The following SEPTIN6 variants were observed in gnomAD, a reference collection of about 807,000 sequenced individuals.
The protein encoded by SEPTIN6 is septin 6.
Under a neutral mutation model 33.6 loss-of-function variants are expected in SEPTIN6, and 8 were observed. The ratio of observed to expected loss-of-function variants is 0.24; its 90% CI spans 0.14 to 0.43. The LOEUF (loss-of-function observed/expected upper bound fraction) is 0.43, where lower values mean the gene tolerates loss of function less well. Ranked by LOEUF, SEPTIN6 falls within the 20% of genes least tolerant of loss-of-function variation. SEPTIN6 has a pLI of 1.00. For missense variants in SEPTIN6, 250 were observed against 340.8 expected (o/e 0.73, Z 2.10); for synonymous variants, 131 against 140.0 (o/e 0.94, Z 0.45).
At chrX:119,630,881 A>C (rs1208171954) in intron 8 of SEPTIN6, among the ~76,000 whole-genome samples, 4 of 103,288 alleles carry the variant, frequency 3.9e-5, no homozygotes, top group African/African-American at 7.6e-5. Flanking sequence ...CAAGAGTGAG[A>C]CTCTGTCTCG....
chrX:119,629,717 T>C (rs2053926431), intron 8 of SEPTIN6, among the ~76,000 whole-genome samples: 1 of 112,077 alleles, frequency 8.9e-6, no homozygotes, highest in Non-Finnish European at 1.9e-5. Context: ...TCCAAGTCTC[T>C]GCTCCTGAAT....
chrX:119,625,276 T>G, intron 10 of SEPTIN6, 59 bp downstream of exon 10: 1 of 793,738 alleles, frequency 1.3e-6, no homozygotes, highest in Non-Finnish European at 1.9e-6. Context: ...GGGTGCGGGA[T>G]TGGGGGAGAT....
At chrX:119,636,162 G>T (rs1463114033) in intron 7 of SEPTIN6, among the ~76,000 whole-genome samples, 1 of 111,525 alleles carries the variant, frequency 9.0e-6, no homozygotes, top group African/African-American at 3.3e-5. Flanking sequence ...GACTGGTTAG[G>T]CTCTGACTCC....
intron 2 of SEPTIN6, among the ~76,000 whole-genome samples, chrX:119,667,128 G>T (rs2054654290): frequency 9.0e-6 from 1 of 110,864 alleles, no homozygotes; most frequent in Admixed American, 9.6e-5. Context: ...TGTTGCATGA[G>T]CTCCCTGCCG....
intron 1 of SEPTIN6, among the ~76,000 whole-genome samples, chrX:119,679,434 G>A (rs1160854238): frequency 9.0e-6 from 1 of 111,570 alleles, no homozygotes; most frequent in East Asian, 2.8e-4. Flanking sequence ...GAAGACATAG[G>A]AGGAGATGAC....
At chrX:119,664,272 G>A (rs1439288773) in intron 2 of SEPTIN6, among the ~76,000 whole-genome samples, 2 of 111,277 alleles carry the variant, frequency 1.8e-5, no homozygotes, top group Admixed American at 9.7e-5. Flanking sequence ...GTTAGCCACC[G>A]CACCTGGCCA....
intron 1 of SEPTIN6, among the ~76,000 whole-genome samples, chrX:119,676,380 C>T (rs994367399): frequency 9.2e-6 from 1 of 109,216 alleles, no homozygotes; most frequent in African/African-American, 3.4e-5. Context: ...AGGAGAATTG[C>T]TTGAACCCGG....
chrX:119,635,161 A>C, intron 7 of SEPTIN6: 1 of 343,575 alleles, frequency 2.9e-6, no homozygotes, highest in Non-Finnish European at 5.7e-6. Flanking sequence ...TTGGGCAACC[A>C]GGTGGATGGT....
At chrX:119,634,232 C>T (rs1422780833) in intron 7 of SEPTIN6, among the ~76,000 whole-genome samples, 1 of 109,797 alleles carries the variant, frequency 9.1e-6, no homozygotes, top group Non-Finnish European at 1.9e-5. Flanking sequence ...AGCCAGGCGT[C>T]GTAGTGGGCG....
In SEPTIN6 at chrX:119,619,269, T is replaced by G; in HGVS notation, c.*824A>C. On this transcript the variant is annotated 3_prime_UTR_variant, in exon 11 of 11. Coordinates refer to ENST00000394610, the MANE Select transcript of SEPTIN6 (RefSeq NM_145799.4). ...TTCCGGAAATTACCCCCCGAGATGC[T>G]GAAATACCTCACAAGAAGAATTCGG... 5 of 815,249 alleles carry G rather than the reference T, an allele frequency of 6.1e-6. No individual in the cohort carries two copies. Among genetic ancestry groups the G allele is most frequent in the Non-Finnish European group, 7.4e-6 (5 of 677,554 alleles). 67.2% of individuals were successfully genotyped at this position (815,249 alleles called of 1,213,427 possible).
chrX:119,629,089 G>C (rs746778317), intron 9 of SEPTIN6: 2 of 384,168 alleles, frequency 5.2e-6, no homozygotes, highest in East Asian at 8.0e-5. Flanking sequence ...TGGACAGATG[G>C]GCTGGGCCTC....
chrX:119,636,885 G>A, intron 7 of SEPTIN6, 142 bp downstream of exon 7: 1 of 656,682 alleles, frequency 1.5e-6, no homozygotes, highest in Non-Finnish European at 2.2e-6. Context: ...AGCAGAACTG[G>A]CAAGTGAGTC....
chrX:119,643,061 A>C (rs1221539206), intron 5 of SEPTIN6, among the ~76,000 whole-genome samples: 1 of 111,507 alleles, frequency 9.0e-6, no homozygotes, highest in Non-Finnish European at 1.9e-5. Flanking sequence ...GGAAGCACTG[A>C]ATTCCTGAAA....
At position 119,663,466 on chromosome X, in the gene SEPTIN6, C is replaced by A; in HGVS notation, c.341+16G>T. The A allele has an allele frequency of 9.1e-7, 1 of 1,098,216 alleles. No homozygotes were observed. Among genetic ancestry groups the A allele is most frequent in the Non-Finnish European group, 1.2e-6 (1 of 803,764 alleles). 90.5% of individuals were successfully genotyped at this position (1,098,216 alleles called of 1,213,427 possible). A position where few individuals can be genotyped will look rare whatever the true frequency, so the allele number is the denominator to read the frequency against. On this transcript the variant is annotated intron_variant, in intron 3 of 10. Transcript: ENST00000394610. The stretch of plus-strand genomic sequence containing the variant: ...ACCAACCTCCCCACCCTACCCCACC[C>A]CACCGCCTTCTTTACCTGTCCTCTT...
chrX:119,624,257 C>T, intron 10 of SEPTIN6, among the ~76,000 whole-genome samples: 2 of 107,976 alleles, frequency 1.9e-5, no homozygotes. Flanking sequence ...CTCACTGCAA[C>T]CTCCGCCTCC....
intron 3 of SEPTIN6, among the ~76,000 whole-genome samples, chrX:119,662,310 A>G (rs898700677): frequency 9.8e-5 from 11 of 111,767 alleles, no homozygotes; most frequent in Non-Finnish European, 1.9e-5. Context: ...GTCATCGCGT[A>G]TCTCAGTATT....
At chrX:119,629,289 G>A (rs1014748761) in intron 9 of SEPTIN6, 29 bp downstream of exon 9, 10 of 1,191,314 alleles carry the variant, frequency 8.4e-6, no homozygotes, top group Non-Finnish European at 1.1e-5. Flanking sequence ...GAAAGAGAAG[G>A]CACCACCCCA....
chrX:119,672,510 C>T (rs1224588508), intron 2 of SEPTIN6, among the ~76,000 whole-genome samples: 1 of 111,937 alleles, frequency 8.9e-6, no homozygotes, highest in Admixed American at 9.5e-5. Context: ...CCTCCTAAAG[C>T]TTTACTAGCC....
At chrX:119,672,913 A>G (rs1360464952) in intron 2 of SEPTIN6, among the ~76,000 whole-genome samples, 1 of 112,036 alleles carries the variant, frequency 8.9e-6, no homozygotes, top group Non-Finnish European at 1.9e-5. Flanking sequence ...TGTGAAGCAC[A>G]TATTTTCTTT....
Sources: gnomAD v4.1 joint callset for allele counts (sites outside exome capture counted in the v4.1 genomes callset) on GRCh38, gnomAD v4.1.1 for gene constraint, MANE v1.5 for transcripts, NCBI Gene and HGNC (gene_info 2026-07-23, HGNC 2026-07-21) for gene names.